Variants in CUX1 observed in about 807,000 individuals in gnomAD.
The protein encoded by CUX1 is cut like homeobox 1.
CUX1 carries 31 observed loss-of-function variants against 158.8 expected under a neutral mutation model. The observed-to-expected ratio is 0.20, with a 90% confidence interval of 0.15 to 0.26. The LOEUF is 0.26. Ranked by LOEUF, CUX1 falls within the 10% of genes least tolerant of loss-of-function variation. CUX1 has a pLI of 1.00. For synonymous variants in CUX1, 879 were observed against 862.1 expected (o/e 1.02, Z -0.34); for missense variants, 1,589 against 2,014.6 (o/e 0.79, Z 4.04).
chr7:102,254,264 C>T lies in CUX1; in HGVS notation c.*5222C>T. The T allele has an allele frequency of 1.0e-6, 1 of 985,434 alleles. No homozygotes were observed. The highest frequency in any genetic ancestry group is 1.2e-6 in the Non-Finnish European group (1 of 829,952). The allele number at this position is 985,434 out of a possible 1,614,324, so 61.0% of individuals were successfully genotyped here. ...CCAGTCCTGCTCAGCTGTTAAGATC[C>T]ATCATGGCCATTATCCTTGTCCCGG... On this transcript the variant is annotated 3_prime_UTR_variant, in exon 24 of 24. Transcript: ENST00000292535.
At position 102,255,510 on chromosome 7, in the gene CUX1, A is replaced by G. The variant is rs187125633; in HGVS notation, c.*6468A>G. The G allele has an allele frequency of 6.1e-6, 6 of 985,334 alleles. No homozygotes were observed. Among genetic ancestry groups the G allele is most frequent in the East Asian group, 1.1e-4 (1 of 8,818 alleles). The allele number at this position is 985,334 out of a possible 1,614,324, so 61.0% of individuals were successfully genotyped here. A position where few individuals can be genotyped will look rare whatever the true frequency, so the allele number is the denominator to read the frequency against. ...GATGCCTTTGAGTTGCTTTTCATGAATCCTTTTAGTTTACCCGATAATGTT... is the reference window on the plus strand; with the variant it reads ...GATGCCTTTGAGTTGCTTTTCATGAGTCCTTTTAGTTTACCCGATAATGTT... On this transcript the variant is annotated 3_prime_UTR_variant, in exon 24 of 24. Coordinates refer to ENST00000292535, the MANE Select transcript of CUX1 (RefSeq NM_181552.4).
chr7:102,113,376 C>G (rs1194076100), intron 7 of CUX1, among the ~76,000 whole-genome samples: 2 of 152,122 alleles, frequency 1.3e-5, no homozygotes, highest in African/African-American at 4.8e-5. Flanking sequence ...GATTTTCCTG[C>G]CTCAGCCTCC....
chr7:102,201,377 T>C lies in CUX1; in HGVS notation c.2080T>C (p.Ser694Pro), dbSNP rs978506216. Residue 694 changes from serine (S) to proline (P), a missense_variant, in exon 18 of 24, where the codon TCC becomes CCC. By Grantham distance (74) the Ser-to-Pro change is moderately conservative (BLOSUM62 -1). Transcript: ENST00000292535. This position sits in a 1 kb window ranked among gnomAD's most constrained non-coding sequence, Gnocchi z 5.0. ...CCATGCAGCAGAGCCGGCCCAGCCT[T>C]CCTCCGCATCCGGCAGCGGGAACTC... ...VQKTAEPAQP[S>P]SASGSGNSDD... 4 of 1,613,558 alleles carry C rather than the reference T, an allele frequency of 2.5e-6. No individual in the cohort carries two copies. Among genetic ancestry groups the C allele is most frequent in the East Asian group, 4.5e-5 (2 of 44,866 alleles).
intron 15 of CUX1, among the ~76,000 whole-genome samples, chr7:102,273,742 A>G (rs1791402754): frequency 6.6e-6 from 1 of 152,216 alleles, no homozygotes; most frequent in Non-Finnish European, 1.5e-5. Flanking sequence ...CCGTCTTTCC[A>G]GGCACTGCCC....
intron 4 of CUX1, among the ~76,000 whole-genome samples, chr7:102,082,016 A>G (rs1427008956): frequency 6.8e-6 from 1 of 146,350 alleles, no homozygotes; most frequent in African/African-American, 2.4e-5. Context: ...CACACCCAAT[A>G]GCCAGGCTGT....
intron 8 of CUX1, among the ~76,000 whole-genome samples, chr7:102,150,779 C>T (rs1442741213): frequency 6.6e-6 from 1 of 152,200 alleles, no homozygotes; most frequent in African/African-American, 2.4e-5. Flanking sequence ...CTGAAATGAT[C>T]TGTGGTGAAC....
intron 8 of CUX1, among the ~76,000 whole-genome samples, chr7:102,122,020 G>A (rs1832099742): frequency 6.6e-6 from 1 of 152,064 alleles, no homozygotes; most frequent in Non-Finnish European, 1.5e-5. Flanking sequence ...CCTCATGAAA[G>A]ACTCACAGAA....
rs535732082 is a variant in CUX1, at chr7:102,073,098, A to G, written c.268+2681A>G. ...AGTCGGAAGAAGACTGGCTTACTTCATCTTTGCCAGAGACCCAAAGACTGT... is the reference window on the plus strand; with the variant it reads ...AGTCGGAAGAAGACTGGCTTACTTCGTCTTTGCCAGAGACCCAAAGACTGT... On this transcript the variant is annotated intron_variant, in intron 4 of 23. Transcript: ENST00000292535. 2.0e-4 allele frequency among the ~76,000 whole-genome samples: 29 copies of G among 148,078 alleles called. 1 individual carries two copies. Among genetic ancestry groups the G allele is most frequent in the Admixed American group, 1.2e-3 (17 of 14,708 alleles).
At chr7:102,268,940 C>CTT (rs34870289) in intron 14 of CUX1, among the ~76,000 whole-genome samples, 82,720 of 143,140 alleles carry the variant, frequency 0.58, 24,070 homozygotes, top group African/African-American at 0.66. Context: ...GGATTAATTA[C>CTT]TTTTTTTTTT....
At position 102,201,941 on chromosome 7, in the gene CUX1, T is replaced by C. The variant is rs782460697; in HGVS notation, c.2644T>C (p.Trp882Arg). Residue 882 changes from tryptophan to arginine, a missense_variant, in exon 18 of 24, where the codon TGG becomes CGG. By Grantham distance (101) the Trp-to-Arg change is moderately radical. This residue lies in a region of CUX1 where 337 missense variants were observed against 409.3 expected (regional missense o/e 0.82). Coordinates refer to ENST00000292535, the MANE Select transcript of CUX1 (RefSeq NM_181552.4). The surrounding 1 kb of genome is among the most constrained non-coding windows in gnomAD (Gnocchi z 5.0). Reference sequence around the variant, plus strand: ...CTCGTCGTCAGAGTACTGGAAGGAGTGGCCCAGCGCTGAGTCCCCATACTC... The same window carrying C: ...CTCGTCGTCAGAGTACTGGAAGGAGCGGCCCAGCGCTGAGTCCCCATACTC... Reference protein sequence around the residue: ...GPSSSEYWKEWPSAESPYSQS... With the variant: ...GPSSSEYWKERPSAESPYSQS... 41 of 1,613,256 alleles carry C rather than the reference T, an allele frequency of 2.5e-5. No homozygotes were observed. The highest frequency in any genetic ancestry group is 3.1e-5 in the Non-Finnish European group (36 of 1,179,876).
At chr7:102,206,411 G>A (rs781857850) in intron 20 of CUX1, among the ~76,000 whole-genome samples, 18 of 152,164 alleles carry the variant, frequency 1.2e-4, no homozygotes, top group African/African-American at 2.2e-4. Flanking sequence ...GCACTGGCTC[G>A]AGTTCAGAAT....
At chr7:102,206,838 G>C (rs1275698834) in intron 20 of CUX1, among the ~76,000 whole-genome samples, 1 of 152,154 alleles carries the variant, frequency 6.6e-6, no homozygotes, top group Non-Finnish European at 1.5e-5. Flanking sequence ...GGCGGAGGTT[G>C]CAGTGAGCTG....
At chr7:102,233,419 T>C (rs2132424410) in intron 21 of CUX1, among the ~76,000 whole-genome samples, 1 of 152,248 alleles carries the variant, frequency 6.6e-6, no homozygotes, top group East Asian at 1.9e-4. Context: ...CTCAAACCCC[T>C]GGGCTCAAAT....
chr7:101,988,837 A>C (rs1002742749), intron 2 of CUX1, among the ~76,000 whole-genome samples: 1 of 151,946 alleles, frequency 6.6e-6, no homozygotes, highest in Non-Finnish European at 1.5e-5. Context: ...CCATCTCTAC[A>C]AAAAAATAAA....
In CUX1 at chr7:102,216,306, A is replaced by G. The variant is rs545683569; in HGVS notation, c.3131-11061A>G. ...GCACTCCAGCCTGGGCAGCAGAGCAACACCCCATCTCAAAATTTAACAAAC... is the reference window on the plus strand; with the variant it reads ...GCACTCCAGCCTGGGCAGCAGAGCAGCACCCCATCTCAAAATTTAACAAAC... On this transcript the variant is annotated intron_variant, in intron 20 of 23. Coordinates refer to ENST00000292535, the MANE Select transcript of CUX1 (RefSeq NM_181552.4). Among the ~76,000 whole-genome samples, 303 of 152,186 alleles carry G rather than the reference A, an allele frequency of 2.0e-3. 1 individual carries two copies. The highest frequency in any genetic ancestry group is 7.1e-3 in the African/African-American group (296 of 41,534).
chr7:101,856,366 C>T (rs866230747), intron 1 of CUX1, among the ~76,000 whole-genome samples: 63 of 152,214 alleles, frequency 4.1e-4, no homozygotes, highest in Admixed American at 1.8e-3. Flanking sequence ...TGCGTCTTCA[C>T]CTATTTCCCT....
At chr7:102,264,742 C>T (rs1239227548) in intron 14 of CUX1, 1 of 152,508 alleles carries the variant, frequency 6.6e-6, no homozygotes, top group Non-Finnish European at 1.5e-5. Flanking sequence ...TGAGCTGCTT[C>T]TCAGCCACCA....
At chr7:102,102,381 A>C (rs1191413824) in intron 5 of CUX1, among the ~76,000 whole-genome samples, 4 of 133,624 alleles carry the variant, frequency 3.0e-5, no homozygotes, top group Non-Finnish European at 4.6e-5. Flanking sequence ...CCAAGACTGC[A>C]CCACTGCATG....
chr7:101,832,761 G>C (rs1483403930), intron 1 of CUX1, among the ~76,000 whole-genome samples: 2 of 152,150 alleles, frequency 1.3e-5, no homozygotes, highest in Non-Finnish European at 1.5e-5. Context: ...ACCTACTGCT[G>C]GGGGGCTCCT....
Sources: allele counts gnomAD v4.1 joint callset (sites outside exome capture counted in the v4.1 genomes callset), GRCh38; gene constraint gnomAD v4.1.1; regional missense constraint gnomAD v4.1.1; non-coding constraint Gnocchi (gnomAD v3.1); transcripts MANE v1.5; gene names NCBI Gene and HGNC (gene_info 2026-07-23, HGNC 2026-07-21).